The following NPHP1 variants were observed in gnomAD, a reference collection of about 807,000 sequenced individuals.
NPHP1 encodes the protein nephrocystin 1, also known as nephrocystin-1.
A neutral mutation model predicts 90.4 loss-of-function variants in NPHP1; 70 were observed. That is an observed-to-expected ratio of 0.77 (90% confidence interval 0.64 to 0.95). The LOEUF is 0.95. Ranked by LOEUF, NPHP1 falls within the 40% of genes least tolerant of loss-of-function variation. The pLI is 0.00. For missense variants in NPHP1, 764 were observed against 795.9 expected (o/e 0.96, Z 0.48); for synonymous variants, 256 against 271.7 (o/e 0.94, Z 0.57).
intron 16 of NPHP1, 25 bp from the exon 17 acceptor site, chr2:110,131,816 T>C: frequency 1.5e-6 from 2 of 1,347,816 alleles, no homozygotes; most frequent in Non-Finnish European, 2.1e-6. Flanking sequence ...AAAAATGTAT[T>C]CATTAGACAA....
chr2:110,147,913 T>A lies in NPHP1; in HGVS notation c.1269+3A>T, dbSNP rs768169550. 2.0e-6 allele frequency: 3 copies of A among 1,487,978 alleles called. No homozygotes were observed. Among genetic ancestry groups the A allele is most frequent in the Non-Finnish European group, 2.8e-6 (3 of 1,064,822 alleles). 92.2% of individuals were successfully genotyped at this position (1,487,978 alleles called of 1,614,324 possible). ...AGAAAGCCTTATCTTTCAACGGACA[T>A]ACATTGCGAATATAAGAAATTCCAA... is the stretch of plus-strand genomic sequence containing the variant. On this transcript the variant is annotated splice_donor_region_variant and intron_variant, in intron 13 of 19. Transcript: ENST00000445609.
chr2:110,140,356 C>T (rs1044337022), intron 16 of NPHP1, among the ~76,000 whole-genome samples: 1 of 151,956 alleles, frequency 6.6e-6, no homozygotes, highest in African/African-American at 2.4e-5. Context: ...TTTTCGGGTG[C>T]CTATTCTGTA....
chr2:110,191,479 G>A (rs565075530), intron 2 of NPHP1, among the ~76,000 whole-genome samples: 18 of 152,310 alleles, frequency 1.2e-4, no homozygotes, highest in Non-Finnish European at 2.1e-4. Context: ...AGCCATTGCC[G>A]AGGCTTGAGT....
intron 16 of NPHP1, among the ~76,000 whole-genome samples, chr2:110,137,853 CT>C (rs1341067564): frequency 6.6e-6 from 1 of 151,062 alleles, no homozygotes; most frequent in East Asian, 1.9e-4. Context: ...ATAAATCATG[CT>C]GCTATAAAGA....
chr2:110,188,245 A>G (rs186409628), intron 2 of NPHP1, among the ~76,000 whole-genome samples: 1 of 152,298 alleles, frequency 6.6e-6, no homozygotes, highest in African/African-American at 2.4e-5. Context: ...TGCAGATGAC[A>G]TGATCCTATA....
At position 110,204,943 on chromosome 2, in the gene NPHP1, G is replaced by A; in HGVS notation, c.26C>T (p.Pro9Leu). The change falls in exon 1 of 20, where the codon CCT becomes CTT. Residue 9 changes from proline to leucine, a missense_variant. By Grantham distance (98) the Pro-to-Leu change is moderately conservative. Transcript: ENST00000445609. MLARRQRD[P>L]LQALRRRNQE... ...ATTGCGGCGCCGCAGGGCCTGGAGA[G>A]GATCTCGCTGTCGTCTCGCCAGCAT... The A allele has an allele frequency of 6.2e-7, 1 of 1,614,066 alleles. No individual in the cohort carries two copies. Among genetic ancestry groups the A allele is most frequent in the Non-Finnish European group, 8.5e-7 (1 of 1,179,950 alleles).
At position 110,123,811 on chromosome 2, in the gene NPHP1, T is replaced by A; in HGVS notation, c.2014A>T (p.Met672Leu). The A allele has an allele frequency of 6.2e-7, 1 of 1,614,070 alleles. No individual in the cohort carries two copies. Among genetic ancestry groups the A allele is most frequent in the Non-Finnish European group, 8.5e-7 (1 of 1,179,972 alleles). Residue 672 changes from methionine (M) to leucine (L), a missense_variant, in exon 20 of 20, where the codon ATG becomes TTG. Physicochemically the swap from Met to Leu is conservative, Grantham distance 15 (BLOSUM62 2). Coordinates refer to ENST00000445609, the MANE Select transcript of NPHP1 (RefSeq NM_001128178.3). ...SEQTYDFLGE[M>L]RKNAV ...CACTGTCACACTGCATTCTTTCTCA[T>A]TTCACCCAAGAAGTCATAGGTCTGC... is the stretch of plus-strand genomic sequence containing the variant.
Position 110,204,910 on chromosome 2 carries a change from A to C in NPHP1, c.59T>G (p.Leu20Arg), listed in dbSNP as rs756434801. ...ACAGCCTGACCATACCTGTTGCTTCAGCTCCTGATTGCGGCGCCGCAGGGC... is the reference window on the plus strand; with the variant it reads ...ACAGCCTGACCATACCTGTTGCTTCCGCTCCTGATTGCGGCGCCGCAGGGC... ...LQALRRRNQE[L>R]KQQVDSLLSE... The change falls in exon 1 of 20, where the codon CTG becomes CGG. Residue 20 changes from leucine (L) to arginine (R), a missense_variant. Leu to Arg is a moderately radical substitution (Grantham distance 102). Coordinates refer to ENST00000445609, the MANE Select transcript of NPHP1 (RefSeq NM_001128178.3). The C allele has an allele frequency of 3.7e-6, 6 of 1,613,778 alleles. No individual in the cohort carries two copies. The highest frequency in any genetic ancestry group is 5.1e-6 in the Non-Finnish European group (6 of 1,179,906).
At chr2:110,193,471 T>C (rs1308501034) in intron 2 of NPHP1, among the ~76,000 whole-genome samples, 2 of 152,052 alleles carry the variant, frequency 1.3e-5, no homozygotes, top group East Asian at 3.9e-4. Flanking sequence ...CCTAAATATA[T>C]ATGCACCCAA....
chr2:110,168,317 G>C, intron 6 of NPHP1, 135 bp downstream of exon 6: 1 of 672,422 alleles, frequency 1.5e-6, no homozygotes, highest in Non-Finnish European at 2.7e-6. Flanking sequence ...CCCAGGTCCT[G>C]TCCCTCCAAA....
At chr2:110,160,031 C>G (rs542180922) in intron 11 of NPHP1, 96 bp downstream of exon 11, 27 of 1,361,118 alleles carry the variant, frequency 2.0e-5, no homozygotes, top group Middle Eastern at 3.6e-4. Flanking sequence ...AAAAAATACT[C>G]TCTTGGGAAT....
chr2:110,140,906 T>A (rs571947223), intron 16 of NPHP1, among the ~76,000 whole-genome samples: 2 of 152,300 alleles, frequency 1.3e-5, no homozygotes, highest in East Asian at 3.9e-4. Context: ...TCAGTAGTAG[T>A]GGTAAGAACA....
rs140241273 is a variant in NPHP1, at chr2:110,161,212, G to A, written c.954+391C>T. Among the ~76,000 whole-genome samples, 827 of 152,096 alleles carry A rather than the reference G, an allele frequency of 5.4e-3. 13 individuals are homozygous for A. Among genetic ancestry groups the A allele is most frequent in the African/African-American group, 0.017 (708 of 41,470 alleles). On this transcript the variant is annotated intron_variant, in intron 10 of 19. Transcript: ENST00000445609. Reference sequence around the variant, plus strand: ...ACTACTACTATAAATGATAATAATGGCTAACATCTATTGAGTTCTTTTCAT... The same window carrying A: ...ACTACTACTATAAATGATAATAATGACTAACATCTATTGAGTTCTTTTCAT...
Position 110,195,065 on chromosome 2 carries a change from A to C in NPHP1, c.143+6356T>G, listed in dbSNP as rs557054693. ...CAGCCAATATCATACTGAATGGGCA[A>C]AAACTGGAAGCATTCCCTTTGAAAA... On this transcript the variant is annotated intron_variant, in intron 2 of 19. Transcript: ENST00000445609. 3.3e-5 allele frequency among the ~76,000 whole-genome samples: 5 copies of C among 152,276 alleles called. No individual in the cohort carries two copies. In the East Asian group the frequency reaches 9.6e-4, roughly 29 times the overall value.
At chr2:110,158,437 CTT>C (rs1189274060) in intron 11 of NPHP1, among the ~76,000 whole-genome samples, 1 of 152,024 alleles carries the variant, frequency 6.6e-6, no homozygotes. Flanking sequence ...ATAATTGTGA[CTT>C]TGTCGGTTTC....
Position 110,191,790 on chromosome 2 carries a change from G to C in NPHP1, c.143+9631C>G, listed in dbSNP as rs1459931887. 3.9e-5 allele frequency among the ~76,000 whole-genome samples: 6 copies of C among 152,130 alleles called. No homozygotes were observed. In the East Asian group the frequency reaches 1.2e-3, roughly 29 times the overall value. On this transcript the variant is annotated intron_variant, in intron 2 of 19. Coordinates refer to ENST00000445609, the MANE Select transcript of NPHP1 (RefSeq NM_001128178.3). ...GCAGACTGACACCTCATACAGCCGG[G>C]TACTCCTCTGAGACAAAACTTCCAG...
At chr2:110,132,942 G>C (rs1679898175) in intron 16 of NPHP1, among the ~76,000 whole-genome samples, 1 of 151,954 alleles carries the variant, frequency 6.6e-6, no homozygotes, top group African/African-American at 2.4e-5. Context: ...ATCAAAATTT[G>C]TCACTATGAA....
At chr2:110,177,165 C>T (rs955020373) in intron 4 of NPHP1, among the ~76,000 whole-genome samples, 3 of 152,128 alleles carry the variant, frequency 2.0e-5, no homozygotes, top group Admixed American at 2.0e-4. Context: ...ATCAACCCTG[C>T]TTGGTAGATG....
intron 11 of NPHP1, among the ~76,000 whole-genome samples, chr2:110,153,865 C>T (rs1451040605): frequency 6.6e-6 from 1 of 151,962 alleles, no homozygotes; most frequent in Non-Finnish European, 1.5e-5. Flanking sequence ...CACCTGTAAT[C>T]TCAGCTACTA....
Sources: allele counts gnomAD v4.1 joint callset (sites outside exome capture counted in the v4.1 genomes callset), GRCh38; gene constraint gnomAD v4.1.1; transcripts MANE v1.5; gene names NCBI Gene and HGNC (gene_info 2026-07-23, HGNC 2026-07-21).